The following RPH3AL variants were observed in gnomAD, a reference collection of about 807,000 sequenced individuals.
RPH3AL encodes rab effector Noc2.
A neutral mutation model predicts 43.1 loss-of-function variants in RPH3AL; 38 were observed. The ratio of observed to expected loss-of-function variants is 0.88; its 90% CI spans 0.68 to 1.15. RPH3AL has a LOEUF of 1.15. Among genes scored for constraint, RPH3AL ranks in the 50% most tolerant of loss-of-function variants. RPH3AL has a pLI of 0.00. For synonymous variants in RPH3AL, 189 were observed against 176.3 expected (o/e 1.07, Z -0.57); for missense variants, 462 against 423.2 (o/e 1.09, Z -0.81).
chr17:221,985 T>A (rs374028530), intron 7 of RPH3AL, among the ~76,000 whole-genome samples: 29 of 70,010 alleles, frequency 4.1e-4, no homozygotes, highest in Non-Finnish European at 5.3e-4. Flanking sequence ...CCCAAGCGCA[T>A]CAGCTCTGAG....
At chr17:272,980 A>C (rs1416594354) in intron 6 of RPH3AL, among the ~76,000 whole-genome samples, 14 of 102,808 alleles carry the variant, frequency 1.4e-4, no homozygotes, top group African/African-American at 3.3e-4. Context: ...GACCCCAGCA[A>C]GGGCTACGTC....
At chr17:316,494 C>G (rs2044200648) in intron 5 of RPH3AL, among the ~76,000 whole-genome samples, 2 of 150,626 alleles carry the variant, frequency 1.3e-5, no homozygotes, top group African/African-American at 2.5e-5. Context: ...CTCCACTGAC[C>G]TGTAGTCTCT....
intron 1 of RPH3AL, among the ~76,000 whole-genome samples, chr17:335,528 T>C (rs1337728468): frequency 2.0e-5 from 3 of 152,084 alleles, no homozygotes; most frequent in Non-Finnish European, 2.9e-5. Context: ...GGGTAATAAA[T>C]GGTGGTCGTG....
chr17:307,237 GGCAGGTCCTCCCCA>G (rs2043517186), intron 5 of RPH3AL, among the ~76,000 whole-genome samples: 1 of 95,356 alleles, frequency 1.0e-5, no homozygotes, highest in African/African-American at 4.6e-5. Context: ...TCCATCCCAC[GGCAGGTCCTCCCCA>G]CGGCAGGTCC....
chr17:310,094 C>T (rs780126506), intron 5 of RPH3AL, among the ~76,000 whole-genome samples: 2 of 152,080 alleles, frequency 1.3e-5, no homozygotes, highest in African/African-American at 4.8e-5. Context: ...GCATCCCAGG[C>T]TCAGGCGGGC....
rs186572722 is a variant in RPH3AL, at chr17:337,814, C to A, written c.-212-3880G>T. ...CCGGCAAGGCCCCTCATGGGGCACACGTAGGAGGTTTCACTTAATCCTGTG... is the reference window on the plus strand; with the variant it reads ...CCGGCAAGGCCCCTCATGGGGCACAAGTAGGAGGTTTCACTTAATCCTGTG... On this transcript the variant is annotated intron_variant, in intron 1 of 9. Transcript: ENST00000331302. Among the ~76,000 whole-genome samples, 107 of 152,330 alleles carry A rather than the reference C, an allele frequency of 7.0e-4. 1 individual carries two copies. The highest frequency in any genetic ancestry group is 2.4e-3 in the African/African-American group (99 of 41,574).
chr17:240,799 C>A (rs1305197305), intron 7 of RPH3AL, among the ~76,000 whole-genome samples: 1 of 152,194 alleles, frequency 6.6e-6, no homozygotes, highest in Non-Finnish European at 1.5e-5. Flanking sequence ...GTGGCTCATG[C>A]CTGTAATCCC....
In RPH3AL at chr17:321,652, G is replaced by A. The variant is rs74933035; in HGVS notation, c.78-237C>T. 2,160 of 506,166 alleles carry A rather than the reference G, an allele frequency of 4.3e-3. 14 individuals carry two copies. The highest frequency in any genetic ancestry group is 6.1e-3 in the Non-Finnish European group (1,766 of 288,820). The allele number at this position is 506,166 out of a possible 1,614,324, so 31.4% of individuals were successfully genotyped here. On this transcript the variant is annotated intron_variant, in intron 3 of 9. Transcript: ENST00000331302. ...CCCAGGTTCCGTGTGCCGGGGTTGG[G>A]ATTGCGGGCAACAGAGACGGGGCAG...
At chr17:315,333 A>G (rs74188414) in intron 5 of RPH3AL, among the ~76,000 whole-genome samples, 1 of 147,312 alleles carries the variant, frequency 6.8e-6, no homozygotes, top group African/African-American at 2.6e-5. Context: ...ACCTCCACTG[A>G]CCTGTAGTCC....
rs74361447 is a variant in RPH3AL at position 304,980 on chromosome 17, G to A, written c.351+14440C>T. Among the ~76,000 whole-genome samples, 426 of 19,802 alleles carry A rather than the reference G, an allele frequency of 0.022. 53 individuals carry two copies. The East Asian group carries it at 0.28, about 13-fold the overall frequency. The allele number at this position is 19,802 out of a possible 152,430, so 13.0% of individuals were successfully genotyped here. On this transcript the variant is annotated intron_variant, in intron 5 of 9. Coordinates refer to ENST00000331302, the MANE Select transcript of RPH3AL (RefSeq NM_006987.4). ...GACAGGGCGAGAGGGGGACAGGGCG[G>A]GAGGGGGACAGGGCGAGAGGGGACA...
At chr17:220,140 A>T (rs8069582) in intron 7 of RPH3AL, among the ~76,000 whole-genome samples, 169 of 150,920 alleles carry the variant, frequency 1.1e-3, no homozygotes, top group African/African-American at 3.6e-3. Flanking sequence ...CCCAAGAACA[A>T]CAGCTCTGAG....
chr17:296,837 C>G (rs2043192286), intron 5 of RPH3AL, among the ~76,000 whole-genome samples: 1 of 152,222 alleles, frequency 6.6e-6, no homozygotes, highest in South Asian at 2.1e-4. Context: ...ATCAATGCTG[C>G]TCTAACGTCC....
At chr17:286,075 G>T (rs138235399) in intron 5 of RPH3AL, among the ~76,000 whole-genome samples, 31 of 152,312 alleles carry the variant, frequency 2.0e-4, no homozygotes, top group African/African-American at 6.5e-4. Context: ...CTGCCCTGTG[G>T]GGGGGTTTGA....
chr17:259,683 T>G (rs1206104260), intron 6 of RPH3AL, among the ~76,000 whole-genome samples: 1 of 152,174 alleles, frequency 6.6e-6, no homozygotes, highest in Non-Finnish European at 1.5e-5. Context: ...AAAATGCCAT[T>G]TAATGAGAAA....
At chr17:281,967 G>T (rs1169594800) in intron 5 of RPH3AL, 113 bp from the exon 6 acceptor site, 6 of 773,706 alleles carry the variant, frequency 7.8e-6, no homozygotes, top group Non-Finnish European at 1.4e-5. Context: ...AGCGTCTCTT[G>T]CTTCAGGATA....
At chr17:271,005 T>C (rs889068442) in intron 6 of RPH3AL, among the ~76,000 whole-genome samples, 21 of 152,346 alleles carry the variant, frequency 1.4e-4, no homozygotes, top group Middle Eastern at 3.4e-3. Flanking sequence ...GCTAGCCAGT[T>C]TTCCCAGCAC....
In RPH3AL at chr17:322,608, G is replaced by A. The variant is rs1195307264; in HGVS notation, c.78-1193C>T. On this transcript the variant is annotated intron_variant, in intron 3 of 9. Coordinates refer to ENST00000331302, the MANE Select transcript of RPH3AL (RefSeq NM_006987.4). The surrounding 1 kb of genome is among the most constrained non-coding windows in gnomAD (Gnocchi z 4.0). ...AATTACCCAGCAGGGAGGGGATGAG[G>A]CTCTGGAAAGGCTCGCTTTCTTTAG... Among the ~76,000 whole-genome samples the A allele has an allele frequency of 1.3e-5, 2 of 152,152 alleles. No individual in the cohort carries two copies. Among genetic ancestry groups the A allele is most frequent in the African/African-American group, 4.8e-5 (2 of 41,442 alleles).
intron 5 of RPH3AL, among the ~76,000 whole-genome samples, chr17:311,724 C>T (rs528056509): frequency 3.5e-4 from 53 of 152,290 alleles, no homozygotes; most frequent in African/African-American, 1.2e-3. Flanking sequence ...GTTTCCCTGC[C>T]GGCTCAGGAC....
intron 2 of RPH3AL, among the ~76,000 whole-genome samples, chr17:329,843 G>A (rs1432152080): frequency 2.6e-5 from 4 of 152,174 alleles, no homozygotes; most frequent in African/African-American, 9.7e-5. Context: ...AAAAGAGGAG[G>A]ACTTTTTTTA....
Sources: allele counts gnomAD v4.1 joint callset (sites outside exome capture counted in the v4.1 genomes callset), GRCh38; gene constraint gnomAD v4.1.1; non-coding constraint Gnocchi (gnomAD v3.1); transcripts MANE v1.5; gene names NCBI Gene and HGNC (gene_info 2026-07-23, HGNC 2026-07-21).